Variants in NOMO1 observed in about 807,000 individuals in gnomAD.
NOMO1 encodes the protein nodal modulator 3.
Under a neutral mutation model 133.8 loss-of-function variants are expected in NOMO1, and 40 were observed. The ratio of observed to expected loss-of-function variants is 0.30; its 90% CI spans 0.23 to 0.39. The LOEUF is 0.39. Ranked by LOEUF, NOMO1 falls within the 10% of genes least tolerant of loss-of-function variation. NOMO1 has a pLI of 1.00. For missense variants in NOMO1, 462 were observed against 1,419.9 expected, an observed-to-expected ratio of 0.33 and a Z score of 10.84; for synonymous variants, 236 against 570.5, an observed-to-expected ratio of 0.41 and a Z score of 8.36.
chr16:14,866,138 A>G (rs1963991582), intron 14 of NOMO1, among the ~76,000 whole-genome samples: 1 of 147,534 alleles, frequency 6.8e-6, no homozygotes, highest in Non-Finnish European at 1.5e-5. Context: ...GCTCACTGCA[A>G]CCTCTCCGCC....
At chr16:14,866,302 C>G (rs1188555111) in intron 14 of NOMO1, among the ~76,000 whole-genome samples, 2 of 150,478 alleles carry the variant, frequency 1.3e-5, no homozygotes, top group African/African-American at 4.9e-5. Flanking sequence ...TCAAGCCATC[C>G]AAGTGCGTCG....
intron 3 of NOMO1, among the ~76,000 whole-genome samples, chr16:14,842,644 A>G (rs1182372997): frequency 6.6e-6 from 1 of 151,990 alleles, no homozygotes; most frequent in African/African-American, 2.4e-5. Context: ...ATAGCACTTC[A>G]CCAGCACCCC....
chr16:14,839,810 C>T lies in NOMO1; in HGVS notation c.255+1314C>T, dbSNP rs1468206379. ...AGGCTGGAGTGCAGTGGCGCGATCT[C>T]GGCTCACTGCAACCTCTGCCTCCTG... On this transcript the variant is annotated intron_variant, in intron 2 of 30. Coordinates refer to ENST00000287667, the MANE Select transcript of NOMO1 (RefSeq NM_014287.4). 2.6e-5 allele frequency among the ~76,000 whole-genome samples: 4 copies of T among 151,076 alleles called. 1 individual carries two copies. Among genetic ancestry groups the T allele is most frequent in the African/African-American group, 7.3e-5 (3 of 40,924 alleles).
intron 16 of NOMO1, among the ~76,000 whole-genome samples, chr16:14,871,227 T>A (rs1263314576): frequency 2.6e-5 from 4 of 151,292 alleles, no homozygotes; most frequent in Admixed American, 2.0e-4. Context: ...AGGAAGAAAT[T>A]GAGGCTGTGG....
chr16:14,860,785 T>C (rs973913406), intron 11 of NOMO1, among the ~76,000 whole-genome samples: 1 of 152,068 alleles, frequency 6.6e-6, no homozygotes, highest in Non-Finnish European at 1.5e-5. Context: ...TGGAAAAATC[T>C]CTGTTTTTTA....
chr16:14,864,662 G>A lies in NOMO1; in HGVS notation c.1473G>A (p.Arg491=). 1.2e-6 allele frequency: 2 copies of A among 1,612,770 alleles called. No homozygotes were observed. The highest frequency in any genetic ancestry group is 1.1e-5 in the South Asian group (1 of 91,054). Residue 491 remains arginine (R), a synonymous_variant, in exon 13 of 31, where the codon AGG becomes AGA. Coordinates refer to ENST00000287667, the MANE Select transcript of NOMO1 (RefSeq NM_014287.4). The stretch of plus-strand genomic sequence containing the variant: ...CATTTCCTCTTACTGTGACCAACAG[G>A]CCCATGATGGATGTGGCCTTTGTAC... ...PQTFPLTVTN[R]PMMDVAFVQF...
At chr16:14,883,336 T>TTC (rs2151009911) in intron 26 of NOMO1, among the ~76,000 whole-genome samples, 1 of 151,544 alleles carries the variant, frequency 6.6e-6, no homozygotes, top group East Asian at 1.9e-4. Flanking sequence ...TTCTTTTCTT[T>TTC]TTCTTTTTTT....
intron 15 of NOMO1, 39 bp from the exon 16 acceptor site, chr16:14,868,509 T>A (rs1294327096): frequency 6.3e-7 from 1 of 1,592,934 alleles, no homozygotes; most frequent in South Asian, 1.1e-5. Context: ...GGTGTCTCCA[T>A]CTCTCTTAGT....
intron 18 of NOMO1, among the ~76,000 whole-genome samples, chr16:14,873,997 C>T (rs1964116240): frequency 6.6e-6 from 1 of 150,502 alleles, no homozygotes; most frequent in Non-Finnish European, 1.5e-5. Flanking sequence ...TCATCTAGTC[C>T]CTTTTTACCA....
intron 27 of NOMO1, among the ~76,000 whole-genome samples, chr16:14,884,905 A>G (rs1343540939): frequency 7.9e-5 from 12 of 152,090 alleles, no homozygotes; most frequent in African/African-American, 2.7e-4. Flanking sequence ...TAGATAATTT[A>G]TAACAAAAGA....
intron 9 of NOMO1, among the ~76,000 whole-genome samples, chr16:14,857,004 A>G (rs1465460135): frequency 2.0e-5 from 3 of 151,986 alleles, no homozygotes; most frequent in African/African-American, 7.3e-5. Flanking sequence ...CTGTTGTTTG[A>G]CACTCAGCAG....
rs780539118 is a variant in NOMO1, at chr16:14,881,535, C to G, written c.2886-9C>G. The G allele has an allele frequency of 6.2e-7, 1 of 1,608,286 alleles. No individual in the cohort carries two copies. Among genetic ancestry groups the G allele is most frequent in the Non-Finnish European group, 8.5e-7 (1 of 1,177,720 alleles). On this transcript the variant is annotated splice_polypyrimidine_tract_variant and intron_variant, in intron 24 of 30. Coordinates refer to ENST00000287667, the MANE Select transcript of NOMO1 (RefSeq NM_014287.4). Reference sequence around the variant, plus strand: ...AATATCTCATTCGTGCCTGTTCTTGCCATACTAGTTGCTATGGCACAGTGT... The same window carrying G: ...AATATCTCATTCGTGCCTGTTCTTGGCATACTAGTTGCTATGGCACAGTGT...
intron 1 of NOMO1, among the ~76,000 whole-genome samples, chr16:14,834,713 G>A (rs1275729391): frequency 7.0e-6 from 1 of 143,474 alleles, no homozygotes; most frequent in Non-Finnish European, 1.5e-5. Flanking sequence ...TTTAAATTAA[G>A]TTGTAAAGTC....
rs1468068720 is a variant in NOMO1, at chr16:14,866,674, T to C, written c.1789T>C (p.Ser597Pro). The C allele has an allele frequency of 8.7e-6, 14 of 1,610,066 alleles. 1 individual carries two copies. Among genetic ancestry groups the C allele is most frequent in the Non-Finnish European group, 4.2e-6 (5 of 1,179,744 alleles). Reference protein sequence around the residue: ...QTGYMLRCSLSHAITLEFYQD... With the variant: ...QTGYMLRCSLPHAITLEFYQD... The stretch of plus-strand genomic sequence containing the variant: ...GGGCTACATGCTGAGATGTTCCCTG[T>C]CTCACGCCATCACTCTGGTATGTAC... The change falls in exon 15 of 31, where the codon TCT (serine) becomes CCT (proline). Residue 597 changes from serine (S) to proline (P), a missense_variant. By Grantham distance (74) the Ser-to-Pro change is moderately conservative. Coordinates refer to ENST00000287667, the MANE Select transcript of NOMO1 (RefSeq NM_014287.4).
Position 14,846,609 on chromosome 16 carries a change from G to A in NOMO1, c.435G>A (p.Ala145=), listed in dbSNP as rs375275870. 930 of 1,283,224 alleles carry A rather than the reference G, an allele frequency of 7.2e-4. 2 individuals carry two copies. Among genetic ancestry groups the A allele is most frequent in the Non-Finnish European group, 9.4e-4 (865 of 915,768 alleles). The allele number at this position is 1,283,224 out of a possible 1,614,324, so 79.5% of individuals were successfully genotyped here. A position where few individuals can be genotyped will look rare whatever the true frequency, so the allele number is the denominator to read the frequency against. ...GCAAAGGGCAGCCCCTGGGTCCTGC[G>A]GGAGTTCAGGTGTCTCTGAGAAACA... ...VLSKGQPLGP[A]GVQVSLRNTG... Residue 145 remains alanine, a synonymous_variant, in exon 5 of 31, where the codon GCG becomes GCA. Transcript: ENST00000287667.
At chr16:14,883,333 C>CT (rs887465219) in intron 26 of NOMO1, among the ~76,000 whole-genome samples, 3 of 140,390 alleles carry the variant, frequency 2.1e-5, no homozygotes, top group African/African-American at 7.9e-5. Context: ...ATTTTCTTTT[C>CT]TTTTTCTTTT....
In NOMO1 at chr16:14,875,034, A is replaced by C. The variant is rs1964133880; in HGVS notation, c.2055-2A>C. 11 of 1,613,798 alleles carry C rather than the reference A, an allele frequency of 6.8e-6. No individual in the cohort carries two copies. Among genetic ancestry groups the C allele is most frequent in the Non-Finnish European group, 9.3e-6 (11 of 1,179,842 alleles). ...ATGTCCTAGGGGCCGTCTTTCTTCT[A>C]GGTCTTCCATCGACAGTGAACCCGC... On this transcript the variant is annotated splice_acceptor_variant, in intron 18 of 30. Coordinates refer to ENST00000287667, the MANE Select transcript of NOMO1 (RefSeq NM_014287.4). LOFTEE classifies it high-confidence loss of function.
At chr16:14,855,532 G>A (rs1963821779) in intron 9 of NOMO1, among the ~76,000 whole-genome samples, 1 of 151,822 alleles carries the variant, frequency 6.6e-6, no homozygotes, top group Non-Finnish European at 1.5e-5. Flanking sequence ...GGACTTTTAG[G>A]TCATATGCAC....
intron 1 of NOMO1, among the ~76,000 whole-genome samples, chr16:14,836,014 A>T (rs2151890683): frequency 6.6e-6 from 1 of 152,108 alleles, no homozygotes; most frequent in Non-Finnish European, 1.5e-5. Context: ...AAAAAAAAAA[A>T]ATTATACTGG....
Sources: gnomAD v4.1 joint callset for allele counts (sites outside exome capture counted in the v4.1 genomes callset) on GRCh38, gnomAD v4.1.1 for gene constraint, MANE v1.5 for transcripts, NCBI Gene and HGNC (gene_info 2026-07-23, HGNC 2026-07-21) for gene names.